ATOSB: variants seen among roughly 807,000 people sequenced by gnomAD.
The protein encoded by ATOSB is atos homolog protein B.
chr9:35,107,834 T>C, the ATOSB span: 2 of 1,595,256 alleles, frequency 1.3e-6, no homozygotes, highest in Non-Finnish European at 8.5e-7. Context: ...AAGCATTTGA[T>C]GGGGGGCAGG....
the ATOSB span, among the ~76,000 whole-genome samples, chr9:35,114,953 AG>A: frequency 6.6e-6 from 1 of 151,268 alleles, no homozygotes; most frequent in East Asian, 1.9e-4. Flanking sequence ...AGTACCGGGC[AG>A]GGCACAGCTC....
the ATOSB span, chr9:35,115,670 C>T: frequency 1.3e-5 from 2 of 149,532 alleles, no homozygotes; most frequent in Non-Finnish European, 3.0e-5. Context: ...GGAGAATGCA[C>T]CTTGTTGCCC....
At chr9:35,111,947 C>A in the ATOSB span, among the ~76,000 whole-genome samples, 3 of 152,208 alleles carry the variant, frequency 2.0e-5, no homozygotes, top group Non-Finnish European at 2.9e-5. Flanking sequence ...TAATAGGAAG[C>A]CCGAGGGCTT....
the ATOSB span, chr9:35,104,931 A>G: frequency 3.4e-6 from 1 of 294,444 alleles, no homozygotes; most frequent in Non-Finnish European, 6.2e-6. Context: ...CAACGCTGGC[A>G]TAACTTGCCT....
At chr9:35,107,857 C>G in the ATOSB span, 1 of 1,598,398 alleles carries the variant, frequency 6.3e-7, no homozygotes. Context: ...GGACTCCAGG[C>G]CCCCGAAGTC....
chr9:35,108,031 C>T, the ATOSB span: 1 of 1,541,668 alleles, frequency 6.5e-7, no homozygotes, highest in Non-Finnish European at 8.7e-7. Context: ...AGCCCAGGGC[C>T]TCTCTTCAGC....
chr9:35,106,381 T>C, the ATOSB span: 2 of 1,614,166 alleles, frequency 1.2e-6, no homozygotes, highest in East Asian at 4.5e-5. The surrounding 1 kb of genome is among the most constrained non-coding windows in gnomAD (Gnocchi z 4.6). Flanking sequence ...TGTGGCCAGA[T>C]GGTGCAAAAC....
At chr9:35,105,259 C>T in the ATOSB span, 6 of 1,613,944 alleles carry the variant, frequency 3.7e-6, no homozygotes, top group South Asian at 2.2e-5. This position sits in a 1 kb window ranked among gnomAD's most constrained non-coding sequence, Gnocchi z 5.5. Flanking sequence ...TGAGGGGCCT[C>T]GGTCACAGCC....
chr9:35,106,776 T>C, the ATOSB span: 5 of 1,539,122 alleles, frequency 3.2e-6, no homozygotes, highest in Non-Finnish European at 4.4e-6. The surrounding 1 kb of genome is among the most constrained non-coding windows in gnomAD (Gnocchi z 4.6). Flanking sequence ...CTGGAAAGAG[T>C]ACAGACTTCT....
At chr9:35,108,570 C>T in the ATOSB span, 1 of 1,201,072 alleles carries the variant, frequency 8.3e-7, no homozygotes, top group Non-Finnish European at 1.0e-6. Flanking sequence ...GGACACACTT[C>T]CCCCTCTTCT....
the ATOSB span, among the ~76,000 whole-genome samples, chr9:35,113,016 T>A: frequency 5.9e-5 from 9 of 152,152 alleles, no homozygotes; most frequent in African/African-American, 2.2e-4. Context: ...AAGAACCCAG[T>A]TCCCTTGGGC....
chr9:35,108,694 G>A, the ATOSB span: 9 of 1,001,926 alleles, frequency 9.0e-6, no homozygotes, highest in Non-Finnish European at 1.1e-5. Context: ...GCACTGGCAA[G>A]GTGACTGCCA....
chr9:35,107,455 C>T, the ATOSB span: 1 of 1,613,380 alleles, frequency 6.2e-7, no homozygotes, highest in Admixed American at 1.7e-5. Context: ...CTGTTGGCAG[C>T]AGTAGGGTGG....
At chr9:35,105,416 G>T in the ATOSB span, 3 of 1,576,064 alleles carry the variant, frequency 1.9e-6, no homozygotes, top group Non-Finnish European at 1.7e-6. This position sits in a 1 kb window ranked among gnomAD's most constrained non-coding sequence, Gnocchi z 5.5. Flanking sequence ...TCCAGGCTGG[G>T]TTCAGTGGCT....
the ATOSB span, chr9:35,107,584 C>G: frequency 1.9e-6 from 3 of 1,587,438 alleles, no homozygotes; most frequent in Non-Finnish European, 2.6e-6. Flanking sequence ...GGTCCAGGGC[C>G]AGGGGGTGTG....
At chr9:35,106,032 G>A in the ATOSB span, 1 of 1,607,770 alleles carries the variant, frequency 6.2e-7, no homozygotes, top group Non-Finnish European at 8.5e-7. The surrounding 1 kb of genome is among the most constrained non-coding windows in gnomAD (Gnocchi z 4.6). Flanking sequence ...GGAGCCATCA[G>A]TCAAGGTGGG....
chr9:35,109,012 G>T, the ATOSB span: 1 of 152,294 alleles, frequency 6.6e-6, no homozygotes, highest in Admixed American at 6.5e-5. Flanking sequence ...GAGGACTCCT[G>T]CCCTACATGG....
the ATOSB span, chr9:35,106,383 G>A: frequency 2.5e-6 from 4 of 1,614,078 alleles, no homozygotes. The surrounding 1 kb of genome is among the most constrained non-coding windows in gnomAD (Gnocchi z 4.6). Flanking sequence ...TGGCCAGATG[G>A]TGCAAAACGT....
chr9:35,108,019 C>T, the ATOSB span: 1 of 1,554,684 alleles, frequency 6.4e-7, no homozygotes, highest in Non-Finnish European at 8.7e-7. Flanking sequence ...TCTCTGGCCC[C>T]CAGCCCAGGG....
Sources: gnomAD v4.1 joint callset for allele counts (sites outside exome capture counted in the v4.1 genomes callset) on GRCh38, gnomAD v4.1.1 for gene constraint, Gnocchi (gnomAD v3.1) non-coding constraint, MANE v1.5 for transcripts, NCBI Gene and HGNC (gene_info 2026-07-23, HGNC 2026-07-21) for gene names.